MAGI2: variants seen among roughly 807,000 people sequenced by gnomAD.
MAGI2 encodes membrane associated guanylate kinase, WW and PDZ domain containing 2, also known as membrane-associated guanylate kinase, WW and PDZ domain-containing protein 2.
A neutral mutation model predicts 133.3 loss-of-function variants in MAGI2; 35 were observed. The ratio of observed to expected loss-of-function variants is 0.26; its 90% CI spans 0.20 to 0.35. The LOEUF (loss-of-function observed/expected upper bound fraction) is 0.35. Among genes scored for constraint, MAGI2 ranks in the 10% least tolerant of loss-of-function variants. The probability of loss-of-function intolerance (pLI) is 1.00; values close to 1 mark genes in which losing one functional copy is unlikely to be tolerated. For synonymous variants in MAGI2, 729 were observed against 710.6 expected (o/e 1.03, Z -0.41); for missense variants, 1,636 against 1,863.4 (o/e 0.88, Z 2.25).
intron 1 of MAGI2, among the ~76,000 whole-genome samples, chr7:79,338,664 G>A (rs1840668943): frequency 1.3e-5 from 2 of 152,046 alleles, no homozygotes; most frequent in South Asian, 4.1e-4. Context: ...AGATCCTACT[G>A]CTTTCGTCAG....
intron 21 of MAGI2, among the ~76,000 whole-genome samples, chr7:78,069,686 C>T (rs967048183): frequency 6.6e-6 from 1 of 152,016 alleles, no homozygotes; most frequent in Non-Finnish European, 1.5e-5. Context: ...CTCCTCACCC[C>T]ACAATCCCCG....
At chr7:78,648,675 A>G (rs977578341) in intron 2 of MAGI2, among the ~76,000 whole-genome samples, 1 of 152,218 alleles carries the variant, frequency 6.6e-6, no homozygotes, top group African/African-American at 2.4e-5. Context: ...ATGCTTGTCA[A>G]GTGATTTTAA....
At chr7:79,154,959 A>G (rs1025302296) in intron 1 of MAGI2, among the ~76,000 whole-genome samples, 17 of 152,134 alleles carry the variant, frequency 1.1e-4, no homozygotes, top group African/African-American at 3.6e-4. Context: ...CCTTCACACT[A>G]TATTCTCCTT....
intron 1 of MAGI2, among the ~76,000 whole-genome samples, chr7:79,016,931 A>G (rs1386259710): frequency 6.6e-6 from 1 of 152,234 alleles, no homozygotes; most frequent in Non-Finnish European, 1.5e-5. Context: ...CCACATCCCT[A>G]TGCTAACATT....
At chr7:78,807,500 A>C (rs939848255) in intron 2 of MAGI2, among the ~76,000 whole-genome samples, 7 of 152,060 alleles carry the variant, frequency 4.6e-5, no homozygotes, top group African/African-American at 1.7e-4. Flanking sequence ...TAGCCCCTGG[A>C]AAAGTCCACT....
chr7:79,220,092 A>G (rs1223492614), intron 1 of MAGI2, among the ~76,000 whole-genome samples: 1 of 152,036 alleles, frequency 6.6e-6, no homozygotes, highest in Non-Finnish European at 1.5e-5. Flanking sequence ...CTAATGGCAG[A>G]AAGGAGAATT....
intron 20 of MAGI2, among the ~76,000 whole-genome samples, chr7:78,089,307 T>C (rs903752004): frequency 6.6e-6 from 1 of 152,068 alleles, no homozygotes; most frequent in Non-Finnish European, 1.5e-5. Flanking sequence ...GGCAAGAGTG[T>C]TTGGGTGATA....
chr7:78,765,902 A>C (rs1314766280), intron 2 of MAGI2, among the ~76,000 whole-genome samples: 2 of 152,180 alleles, frequency 1.3e-5, no homozygotes, highest in Non-Finnish European at 2.9e-5. Context: ...CTGAGCAAGC[A>C]AAGTGGGTAG....
chr7:78,962,630 C>A (rs1802946282), intron 2 of MAGI2, among the ~76,000 whole-genome samples: 2 of 151,120 alleles, frequency 1.3e-5, no homozygotes, highest in East Asian at 2.0e-4. Flanking sequence ...AAAAAAGATT[C>A]TATGAATGTA....
At chr7:78,242,914 A>G (rs1791307701) in intron 10 of MAGI2, among the ~76,000 whole-genome samples, 1 of 152,026 alleles carries the variant, frequency 6.6e-6, no homozygotes. Context: ...GTTACAAAAA[A>G]TACAAAAATT....
chr7:78,556,591 T>C (rs1016652504), intron 3 of MAGI2, among the ~76,000 whole-genome samples: 2 of 152,132 alleles, frequency 1.3e-5, no homozygotes, highest in Non-Finnish European at 2.9e-5. Context: ...ACCCTCTCTA[T>C]CTATAGGTGA....
chr7:78,625,009 T>C (rs1425660616), intron 3 of MAGI2, among the ~76,000 whole-genome samples: 1 of 152,144 alleles, frequency 6.6e-6, no homozygotes, highest in Non-Finnish European at 1.5e-5. Context: ...GACAGTTCCA[T>C]GCCTATTATT....
chr7:78,159,006 C>T (rs1824682644), intron 16 of MAGI2, among the ~76,000 whole-genome samples: 1 of 152,126 alleles, frequency 6.6e-6, no homozygotes, highest in African/African-American at 2.4e-5. Flanking sequence ...AAGAAAACCA[C>T]ACTTCGACCC....
At chr7:78,689,172 A>C (rs576519558) in intron 2 of MAGI2, among the ~76,000 whole-genome samples, 1 of 152,300 alleles carries the variant, frequency 6.6e-6, no homozygotes, top group South Asian at 2.1e-4. Flanking sequence ...AAGTGTGAGA[A>C]ATTTTAAAAT....
rs1218543024 is a variant in MAGI2, at chr7:78,586,412, CTG to C, written c.538+40706_538+40707del. On this transcript the variant is annotated intron_variant, in intron 3 of 21. Coordinates refer to ENST00000354212, the MANE Select transcript of MAGI2 (RefSeq NM_012301.4). ...GAATTTATTTGATCCTTTCAAATAACTGTGATTCTCTCCCTATGATTAACATT... is the reference window on the plus strand; with the variant it reads ...GAATTTATTTGATCCTTTCAAATAACTGATTCTCTCCCTATGATTAACATT... Among the ~76,000 whole-genome samples, 5 of 150,740 alleles carry C rather than the reference CTG, an allele frequency of 3.3e-5. No individual in the cohort carries two copies. In the East Asian group the frequency reaches 9.8e-4, roughly 30 times the overall value.
chr7:78,117,376 T>C (rs890999136), intron 20 of MAGI2, among the ~76,000 whole-genome samples: 1 of 151,884 alleles, frequency 6.6e-6, no homozygotes, highest in Admixed American at 6.6e-5. Context: ...AATTGAACCA[T>C]AAAAATCCTT....
intron 16 of MAGI2, among the ~76,000 whole-genome samples, chr7:78,158,580 G>A (rs575946127): frequency 2.0e-5 from 3 of 152,122 alleles, no homozygotes; most frequent in African/African-American, 7.2e-5. Flanking sequence ...GACAGTGGAA[G>A]AAATCAGACC....
At chr7:78,264,370 T>A (rs1366398259) in intron 9 of MAGI2, among the ~76,000 whole-genome samples, 1 of 152,188 alleles carries the variant, frequency 6.6e-6, no homozygotes, top group East Asian at 1.9e-4. Flanking sequence ...AGTTGAGGAC[T>A]CTTTTGTGTC....
intron 1 of MAGI2, among the ~76,000 whole-genome samples, chr7:79,120,621 T>C (rs1466889081): frequency 6.6e-6 from 1 of 152,070 alleles, no homozygotes. Flanking sequence ...TACAGAAGCA[T>C]GGTGAGTTTA....
Sources: allele counts gnomAD v4.1 joint callset (sites outside exome capture counted in the v4.1 genomes callset), GRCh38; gene constraint gnomAD v4.1.1; transcripts MANE v1.5; gene names NCBI Gene and HGNC (gene_info 2026-07-23, HGNC 2026-07-21).